FAAH2: variants seen among roughly 807,000 people sequenced by gnomAD.
The protein encoded by FAAH2 is fatty acid amide hydrolase 2, also known as fatty-acid amide hydrolase 2.
In FAAH2, 60 loss-of-function variants were observed where a neutral mutation model predicts 36.9. The ratio of observed to expected loss-of-function variants is 1.63; its 90% CI spans 1.32 to 2.02. The LOEUF (loss-of-function observed/expected upper bound fraction) is 2.02. Ranked by LOEUF, FAAH2 falls within the 30% of genes most tolerant of loss-of-function variation. FAAH2 has a pLI of 0.00. For missense variants in FAAH2, 689 were observed against 397.5 expected, an observed-to-expected ratio of 1.73 and a Z score of -6.23; for synonymous variants, 214 against 143.8, an observed-to-expected ratio of 1.49 and a Z score of -3.49.
the FAAH2 span, among the ~76,000 whole-genome samples, chrX:57,217,768 T>C: frequency 8.9e-6 from 1 of 112,092 alleles, no homozygotes; most frequent in Admixed American, 9.4e-5. Context: ...ATATGGGCTC[T>C]TTTTTGTTTC....
intron 7 of FAAH2, chrX:57,394,937 AC>A (rs1000318537): frequency 2.4e-5 from 15 of 617,154 alleles, no homozygotes; most frequent in Admixed American, 4.5e-5. Context: ...GGCAATCTGC[AC>A]CCCTGTCTCT....
chrX:57,255,882 C>T, the FAAH2 span, among the ~76,000 whole-genome samples: 1 of 111,733 alleles, frequency 8.9e-6, no homozygotes, highest in Non-Finnish European at 1.9e-5. Context: ...AGGATGCCCT[C>T]TCTCACCACT....
chrX:57,349,985 A>C (rs769846254), intron 5 of FAAH2, among the ~76,000 whole-genome samples: 1 of 110,795 alleles, frequency 9.0e-6, no homozygotes, highest in East Asian at 2.8e-4. Context: ...AGTGTGAACA[A>C]TGATTTTTAA....
intron 7 of FAAH2, among the ~76,000 whole-genome samples, chrX:57,422,182 A>C (rs182127240): frequency 4.2e-3 from 471 of 111,920 alleles, no homozygotes; most frequent in Admixed American, 7.6e-3. Context: ...AGCTGTTTGG[A>C]GTTATCATCT....
At chrX:57,198,304 G>A in the FAAH2 span, among the ~76,000 whole-genome samples, 1 of 111,544 alleles carries the variant, frequency 9.0e-6, no homozygotes, top group Non-Finnish European at 1.9e-5. Flanking sequence ...TTTGTTCTTA[G>A]GGGGATTATG....
intron 5 of FAAH2, among the ~76,000 whole-genome samples, chrX:57,349,108 A>G (rs1249363942): frequency 1.0e-5 from 1 of 97,023 alleles, no homozygotes; most frequent in African/African-American, 3.7e-5. Context: ...TATATAATGT[A>G]TATGTGTATA....
At chrX:57,377,839 C>A (rs1044363843) in intron 5 of FAAH2, among the ~76,000 whole-genome samples, 1 of 111,886 alleles carries the variant, frequency 8.9e-6, no homozygotes, top group Non-Finnish European at 1.9e-5. Flanking sequence ...GTTTGTACTT[C>A]TCCTTGAAGA....
In FAAH2 at chrX:57,299,742, T is replaced by C. The variant is rs1307161293; in HGVS notation, c.275+7162T>C. Among the ~76,000 whole-genome samples, 6 of 111,771 alleles carry C rather than the reference T, an allele frequency of 5.4e-5. 1 individual carries two copies. The highest frequency in any genetic ancestry group is 1.9e-4 in the African/African-American group (6 of 30,790). On this transcript the variant is annotated intron_variant, in intron 2 of 10. Transcript: ENST00000374900. ...AGCCCAAAATCTCCTTAAGCTAATA[T>C]GCAACTTCAGCAAAGTCTCAGGATA...
chrX:57,325,091 G>C (rs1286403480), intron 3 of FAAH2, among the ~76,000 whole-genome samples: 1 of 112,214 alleles, frequency 8.9e-6, no homozygotes, highest in Non-Finnish European at 1.9e-5. Context: ...CATCTATTGA[G>C]ATAATCAAAT....
At chrX:57,425,424 C>T (rs924297402) in intron 7 of FAAH2, among the ~76,000 whole-genome samples, 1 of 111,255 alleles carries the variant, frequency 9.0e-6, no homozygotes, top group Non-Finnish European at 1.9e-5. Flanking sequence ...AATAACCAGA[C>T]TACAATTGAA....
chrX:57,435,336 A>G (rs2056387981), intron 8 of FAAH2, among the ~76,000 whole-genome samples: 1 of 111,451 alleles, frequency 9.0e-6, no homozygotes, highest in African/African-American at 3.2e-5. Flanking sequence ...CAGAAAATAA[A>G]CCTCATGTAT....
intron 8 of FAAH2, among the ~76,000 whole-genome samples, chrX:57,435,392 G>T (rs750140950): frequency 9.0e-6 from 1 of 111,089 alleles, no homozygotes; most frequent in African/African-American, 3.3e-5. Flanking sequence ...CTTCTAAAGA[G>T]AGATAGATTG....
the FAAH2 span, among the ~76,000 whole-genome samples, chrX:57,249,492 T>C: frequency 1.8e-5 from 2 of 112,390 alleles, no homozygotes; most frequent in Non-Finnish European, 3.8e-5. Flanking sequence ...AAAGATTAGA[T>C]TGAGTGAAAC....
intron 3 of FAAH2, among the ~76,000 whole-genome samples, chrX:57,330,780 A>T (rs929123253): frequency 1.8e-5 from 2 of 110,724 alleles, no homozygotes; most frequent in Non-Finnish European, 3.8e-5. Flanking sequence ...ATAGAAAAGA[A>T]CCTATGTGAC....
chrX:57,178,567 G>C, the FAAH2 span, among the ~76,000 whole-genome samples: 1 of 111,532 alleles, frequency 9.0e-6, no homozygotes, highest in Non-Finnish European at 1.9e-5. Flanking sequence ...GGGCAAAGTT[G>C]GTGGAGGCTG....
chrX:57,271,841 C>G, the FAAH2 span, among the ~76,000 whole-genome samples: 1 of 110,570 alleles, frequency 9.0e-6, no homozygotes, highest in Non-Finnish European at 1.9e-5. Context: ...CAGAATGCCT[C>G]TCTTCCTCTG....
chrX:57,371,644 G>GC (rs1379016759), intron 5 of FAAH2, among the ~76,000 whole-genome samples: 2 of 102,840 alleles, frequency 1.9e-5, no homozygotes, highest in Admixed American at 2.1e-4. Context: ...TTTTGGGGGG[G>GC]GGGTTACTTT....
chrX:57,201,935 A>G, the FAAH2 span, among the ~76,000 whole-genome samples: 1 of 111,657 alleles, frequency 9.0e-6, no homozygotes, highest in East Asian at 2.8e-4. Flanking sequence ...ACTGTAATAC[A>G]TTCTTACATT....
the FAAH2 span, among the ~76,000 whole-genome samples, chrX:57,258,700 T>C: frequency 1.0e-5 from 1 of 96,203 alleles, no homozygotes; most frequent in Admixed American, 1.2e-4. Flanking sequence ...AAAAAGGTTT[T>C]TTTGTTGCCT....
Sources: allele counts gnomAD v4.1 joint callset (sites outside exome capture counted in the v4.1 genomes callset), GRCh38; gene constraint gnomAD v4.1.1; transcripts MANE v1.5; gene names NCBI Gene and HGNC (gene_info 2026-07-23, HGNC 2026-07-21).